The following STRN variants were observed in gnomAD, a reference collection of about 807,000 sequenced individuals.
STRN encodes the protein protein phosphatase 2 regulatory subunit B'''alpha.
Under a neutral mutation model 96.3 loss-of-function variants are expected in STRN, and 53 were observed. That is an observed-to-expected ratio of 0.55 (90% CI 0.44 to 0.69). STRN has a LOEUF of 0.69. Ranked by LOEUF, STRN falls within the 30% of genes least tolerant of loss-of-function variation. The pLI, the probability that STRN is intolerant of heterozygous loss-of-function variation, is 0.00. For missense variants in STRN, 987 were observed against 963.9 expected (o/e 1.02, Z -0.32); for synonymous variants, 428 against 355.9 (o/e 1.20, Z -2.28).
intron 3 of STRN, among the ~76,000 whole-genome samples, chr2:36,908,619 C>A (rs980743152): frequency 6.6e-6 from 1 of 152,050 alleles, no homozygotes; most frequent in Non-Finnish European, 1.5e-5. Context: ...AGAATGTACC[C>A]TATCCTCTTA....
chr2:36,874,887 A>G (rs964071389), intron 10 of STRN, among the ~76,000 whole-genome samples: 6 of 152,198 alleles, frequency 3.9e-5, no homozygotes, highest in African/African-American at 9.6e-5. Flanking sequence ...GGTGAAAAGA[A>G]AGTGATCCCA....
At chr2:36,959,058 G>A (rs1407260644) in intron 1 of STRN, among the ~76,000 whole-genome samples, 2 of 152,190 alleles carry the variant, frequency 1.3e-5, no homozygotes, top group African/African-American at 2.4e-5. Flanking sequence ...GGAGGTTGCA[G>A]TGAGCCGAGA....
intron 14 of STRN, among the ~76,000 whole-genome samples, chr2:36,856,410 TA>T (rs1668343349): frequency 6.6e-6 from 1 of 152,166 alleles, no homozygotes; most frequent in Admixed American, 6.5e-5. Flanking sequence ...TCCATCAAGA[TA>T]TAAATGAATA....
chr2:36,891,603 G>C (rs77003183), intron 7 of STRN, among the ~76,000 whole-genome samples: 2,513 of 152,188 alleles, frequency 0.017, 72 homozygotes, highest in African/African-American at 0.058. Context: ...TTGAATGCAA[G>C]GCAGAAAAAT....
In STRN at chr2:36,896,293, A is replaced by G. The variant is rs150749702; in HGVS notation, c.796-2260T>C. ...ACCACCTCAGTATAACCTTACAAAG[A>G]ATAAAGATAAATGACATTTATTACT... On this transcript the variant is annotated intron_variant, in intron 6 of 17. Transcript: ENST00000263918. 3.8e-3 allele frequency among the ~76,000 whole-genome samples: 572 copies of G among 152,350 alleles called. 2 individuals carry two copies. The highest frequency in any genetic ancestry group is 0.013 in the African/African-American group (551 of 41,580).
intron 15 of STRN, among the ~76,000 whole-genome samples, chr2:36,852,990 C>T (rs1019631471): frequency 2.0e-5 from 3 of 152,148 alleles, no homozygotes; most frequent in African/African-American, 7.2e-5. Flanking sequence ...AACTCTGTCT[C>T]TACGCAAAAT....
At chr2:36,916,242 G>A (rs915202186) in intron 2 of STRN, 91 bp from the exon 3 acceptor site, 20 of 1,068,722 alleles carry the variant, frequency 1.9e-5, no homozygotes, top group Non-Finnish European at 2.5e-5. Context: ...CAGTAGTCCT[G>A]GCTGAACACT....
intron 3 of STRN, among the ~76,000 whole-genome samples, chr2:36,908,318 T>C (rs1020545579): frequency 6.6e-6 from 1 of 152,172 alleles, no homozygotes; most frequent in African/African-American, 2.4e-5. Context: ...TACAAAAAAG[T>C]GTGATACAGC....
intron 1 of STRN, among the ~76,000 whole-genome samples, chr2:36,938,276 A>C (rs112642028): frequency 0.08 from 12,236 of 152,114 alleles, 662 homozygotes; most frequent in South Asian, 0.14. Flanking sequence ...AAGCACAAAA[A>C]TTAGCCAGGT....
At chr2:36,871,153 C>T (rs1668753582) in intron 10 of STRN, among the ~76,000 whole-genome samples, 1 of 152,080 alleles carries the variant, frequency 6.6e-6, no homozygotes, top group Non-Finnish European at 1.5e-5. Flanking sequence ...TAATTTATTA[C>T]TGAAGAAAAT....
chr2:36,886,832 C>A lies in STRN; in HGVS notation c.932-6G>T. On this transcript the variant is annotated splice_region_variant and splice_polypyrimidine_tract_variant and intron_variant, in intron 7 of 17. Transcript: ENST00000263918. Reference sequence around the variant, plus strand: ...GAGACACTGGTCTTCCTTTTCTAAACAGAGTGAAACAAATGAAACAGCCTT... The same window carrying A: ...GAGACACTGGTCTTCCTTTTCTAAAAAGAGTGAAACAAATGAAACAGCCTT... 6.2e-7 allele frequency: 1 copy of A among 1,603,902 alleles called. No homozygotes were observed. Among genetic ancestry groups the A allele is most frequent in the Non-Finnish European group, 8.5e-7 (1 of 1,175,246 alleles).
intron 6 of STRN, among the ~76,000 whole-genome samples, chr2:36,895,357 A>C (rs1421935362): frequency 1.3e-5 from 2 of 152,008 alleles, no homozygotes; most frequent in Non-Finnish European, 2.9e-5. Flanking sequence ...GGATAGGAGA[A>C]ATCAAAGGAT....
rs1669629724 is a variant in STRN, at chr2:36,899,537, T to C, written c.781A>G (p.Ile261Val). Residue 261 changes from isoleucine to valine, a missense_variant, in exon 6 of 18, where the codon ATT (isoleucine) becomes GTT (valine). Transcript: ENST00000263918. ...DDVDGREKSV[I>V]DTSTIVRKKA... ...ATCTAACTCACTGTTGAAGTATCAA[T>C]GACGCTTTTCTCTCTTCCATCAACA... 2 of 1,612,388 alleles carry C rather than the reference T, an allele frequency of 1.2e-6. No homozygotes were observed. The highest frequency in any genetic ancestry group is 1.7e-6 in the Non-Finnish European group (2 of 1,179,680).
chr2:36,959,763 T>G (rs889363032), intron 1 of STRN, among the ~76,000 whole-genome samples: 1 of 152,192 alleles, frequency 6.6e-6, no homozygotes, highest in Non-Finnish European at 1.5e-5. Context: ...CTTTTATAGA[T>G]AATGTAAAAA....
chr2:36,940,651 C>T (rs184520354), intron 1 of STRN, among the ~76,000 whole-genome samples: 4 of 151,216 alleles, frequency 2.6e-5, no homozygotes, highest in Admixed American at 2.6e-4. Flanking sequence ...CATGGTGAAA[C>T]CCCATCTCTA....
chr2:36,921,899 G>A (rs563101464), intron 2 of STRN, among the ~76,000 whole-genome samples: 7 of 152,086 alleles, frequency 4.6e-5, no homozygotes, highest in African/African-American at 1.7e-4. Context: ...TATATTTCCA[G>A]ATTGGATCCT....
intron 6 of STRN, 56 bp from the exon 7 acceptor site, chr2:36,894,089 A>AT: frequency 6.4e-7 from 1 of 1,556,810 alleles, no homozygotes; most frequent in Non-Finnish European, 8.6e-7. Flanking sequence ...TTACCACTGA[A>AT]TAAGAAAATT....
chr2:36,957,284 T>C (rs980842705), intron 1 of STRN, among the ~76,000 whole-genome samples: 8 of 152,190 alleles, frequency 5.3e-5, no homozygotes, highest in Non-Finnish European at 8.8e-5. Flanking sequence ...TCTTAAGTAA[T>C]GCATTTACTT....
In STRN at chr2:36,942,227, T is replaced by C. The variant is rs554299055; in HGVS notation, c.235-17019A>G. 9.2e-5 allele frequency among the ~76,000 whole-genome samples: 14 copies of C among 152,280 alleles called. No individual in the cohort carries two copies. The East Asian group carries it at 2.5e-3, about 27-fold the overall frequency. ...AATGTCTGTAGCTATAGCAATCTTA[T>C]AATCATAATGTATCAAAAAGGACAA... On this transcript the variant is annotated intron_variant, in intron 1 of 17. Transcript: ENST00000263918.
Sources: gnomAD v4.1 joint callset for allele counts (sites outside exome capture counted in the v4.1 genomes callset) on GRCh38, gnomAD v4.1.1 for gene constraint, MANE v1.5 for transcripts, NCBI Gene and HGNC (gene_info 2026-07-23, HGNC 2026-07-21) for gene names.